The following CACNA1B variants were observed in gnomAD, a reference collection of about 807,000 sequenced individuals.
CACNA1B encodes the protein calcium voltage-gated channel subunit alpha1 B.
In CACNA1B, 70 loss-of-function variants were observed where a neutral mutation model predicts 247.2. The ratio of observed to expected loss-of-function variants is 0.28; its 90% CI spans 0.23 to 0.35. CACNA1B has a LOEUF of 0.35. Ranked by LOEUF, CACNA1B falls within the 10% of genes least tolerant of loss-of-function variation. The pLI is 1.00. For synonymous variants in CACNA1B, 1,231 were observed against 1,294.4 expected (o/e 0.95, Z 1.05); for missense variants, 2,367 against 3,197.4 (o/e 0.74, Z 6.26).
chr9:138,058,994 C>A lies in CACNA1B; in HGVS notation c.4474-85C>A. ...CTAGGCAGGCATCGAGTTCTGTCTG[C>A]CCGCTTTGCTTGGTCATAGTGGTCC... is the stretch of plus-strand genomic sequence containing the variant. On this transcript the variant is annotated intron_variant, in intron 29 of 46. Transcript: ENST00000371372. The surrounding 1 kb of genome is among the most constrained non-coding windows in gnomAD (Gnocchi z 4.7). 2 of 833,866 alleles carry A rather than the reference C, an allele frequency of 2.4e-6. No individual in the cohort carries two copies. Among genetic ancestry groups the A allele is most frequent in the Non-Finnish European group, 4.0e-6 (2 of 495,494 alleles). The allele number at this position is 833,866 out of a possible 1,614,324, so 51.7% of individuals were successfully genotyped here.
chr9:138,108,935 A>G (rs1202716846), intron 39 of CACNA1B, among the ~76,000 whole-genome samples: 1 of 152,262 alleles, frequency 6.6e-6, no homozygotes, highest in Non-Finnish European at 1.5e-5. Flanking sequence ...TACAGGCGTG[A>G]GCCACTGCAC....
In CACNA1B at chr9:137,955,552, C is replaced by G. The variant is rs1042372659; in HGVS notation, c.1071-146C>G. On this transcript the variant is annotated intron_variant, in intron 7 of 46. Transcript: ENST00000371372. The surrounding 1 kb of genome is among the most constrained non-coding windows in gnomAD (Gnocchi z 6.9). ...TCTGGAGTGCTCAGGTTAGAAGAGG[C>G]CTGGGTGGCAGGGGCCTGCCTGAAG... The G allele has an allele frequency of 6.4e-6, 4 of 621,790 alleles. No homozygotes were observed. The highest frequency in any genetic ancestry group is 1.2e-5 in the Non-Finnish European group (4 of 345,038). The allele number at this position is 621,790 out of a possible 1,614,324, so 38.5% of individuals were successfully genotyped here.
chr9:137,946,247 G>C (rs1363382146), intron 6 of CACNA1B, among the ~76,000 whole-genome samples: 2 of 152,144 alleles, frequency 1.3e-5, no homozygotes, highest in Non-Finnish European at 2.9e-5. Context: ...GGCTAAGTGG[G>C]TTTCTTTTGT....
intron 10 of CACNA1B, among the ~76,000 whole-genome samples, chr9:137,966,601 C>T (rs1364049018): frequency 4.0e-5 from 6 of 151,330 alleles, no homozygotes; most frequent in East Asian, 1.9e-4. Context: ...TGCAGTGGTG[C>T]GATCTCAGCT....
chr9:137,964,610 T>C (rs1235845929), intron 10 of CACNA1B, among the ~76,000 whole-genome samples: 1 of 152,242 alleles, frequency 6.6e-6, no homozygotes, highest in Admixed American at 6.5e-5. Context: ...ATCATGATTG[T>C]TAGCTTCTTT....
In CACNA1B at chr9:138,054,112, C is replaced by A; in HGVS notation, c.3968+106C>A. The A allele has an allele frequency of 9.4e-7, 1 of 1,067,906 alleles. No individual in the cohort carries two copies. Among genetic ancestry groups the A allele is most frequent in the Non-Finnish European group, 1.4e-6 (1 of 704,266 alleles). The allele number at this position is 1,067,906 out of a possible 1,614,324, so 66.2% of individuals were successfully genotyped here. On this transcript the variant is annotated intron_variant, in intron 26 of 46. Transcript: ENST00000371372. This position sits in a 1 kb window ranked among gnomAD's most constrained non-coding sequence, Gnocchi z 4.6. ...AGCTGGTCACACGGCGTGGGAGACTCCACTGCAGAGCATCACGGACCCTGC... is the reference window on the plus strand; with the variant it reads ...AGCTGGTCACACGGCGTGGGAGACTACACTGCAGAGCATCACGGACCCTGC...
In CACNA1B at chr9:138,096,598, G is replaced by A; in HGVS notation, c.5209G>A (p.Asp1737Asn). 5 of 1,612,134 alleles carry A rather than the reference G, an allele frequency of 3.1e-6. No individual in the cohort carries two copies. The highest frequency in any genetic ancestry group is 4.2e-6 in the Non-Finnish European group (5 of 1,179,104). The part of the protein sequence containing the change: ...DEFIRVWAEY[D>N]PAACGRISYN... Reference sequence around the variant, plus strand: ...GTTCATCCGGGTCTGGGCTGAATACGACCCGGCTGCGTGGTAAGTGAGCCG... The same window carrying A: ...GTTCATCCGGGTCTGGGCTGAATACAACCCGGCTGCGTGGTAAGTGAGCCG... The change falls in exon 37 of 47, where the codon GAC becomes AAC. Residue 1737 changes from aspartate (D) to asparagine (N), a missense_variant. This residue lies in a region of CACNA1B where 55 missense variants were observed against 107.8 expected (regional missense o/e 0.51). Coordinates refer to ENST00000371372, the MANE Select transcript of CACNA1B (RefSeq NM_000718.4).
chr9:137,992,241 A>G (rs965869060), intron 15 of CACNA1B, among the ~76,000 whole-genome samples: 1 of 152,220 alleles, frequency 6.6e-6, no homozygotes, highest in African/African-American at 2.4e-5. Context: ...AGGGGTGGAA[A>G]AATATTTCAT....
In CACNA1B at chr9:138,047,477, C is replaced by T. The variant is rs1390974911; in HGVS notation, c.3603+19C>T. 1.3e-6 allele frequency: 2 copies of T among 1,582,606 alleles called. No individual in the cohort carries two copies. The highest frequency in any genetic ancestry group is 1.1e-5 in the South Asian group (1 of 90,442). ...GATAAAGGTGAGATATGTGGCTGCC[C>T]TTGTGACCCCAGTGTTTTGCTCTCC... On this transcript the variant is annotated intron_variant, in intron 23 of 46. Transcript: ENST00000371372.
Position 137,971,981 on chromosome 9 carries a change from C to G in CACNA1B, c.1543+389C>G, listed in dbSNP as rs1958156796. Among the ~76,000 whole-genome samples, 1 of 152,172 alleles carries G rather than the reference C, an allele frequency of 6.6e-6. No individual in the cohort carries two copies. Among genetic ancestry groups the G allele is most frequent in the Non-Finnish European group, 1.5e-5 (1 of 68,018 alleles). On this transcript the variant is annotated intron_variant, in intron 11 of 46. Transcript: ENST00000371372. This position sits in a 1 kb window ranked among gnomAD's most constrained non-coding sequence, Gnocchi z 4.4. The stretch of plus-strand genomic sequence containing the variant: ...AGACCCACAGACAGGGGACTTAGCC[C>G]CACGCTCCTTTCCACCACGTGGCTG...
intron 38 of CACNA1B, among the ~76,000 whole-genome samples, chr9:138,105,105 G>C (rs1961377056): frequency 6.6e-6 from 1 of 152,244 alleles, no homozygotes; most frequent in African/African-American, 2.4e-5. Context: ...GCGCAGAGAT[G>C]GGCTCTGCCT....
chr9:137,958,220 G>A (rs569556561), intron 10 of CACNA1B, among the ~76,000 whole-genome samples: 1 of 152,140 alleles, frequency 6.6e-6, no homozygotes, highest in African/African-American at 2.4e-5. Flanking sequence ...AATAAAACAG[G>A]AAACACACAC....
At chr9:138,000,223 C>T (rs951708843) in intron 15 of CACNA1B, among the ~76,000 whole-genome samples, 13 of 151,750 alleles carry the variant, frequency 8.6e-5, no homozygotes, top group East Asian at 5.8e-4. Context: ...CTCAGCCTCC[C>T]GAGTGGCTGG....
intron 41 of CACNA1B, 29 bp from the exon 42 acceptor site, chr9:138,115,523 T>G (rs1451023615): frequency 2.5e-6 from 4 of 1,605,872 alleles, no homozygotes; most frequent in Non-Finnish European, 3.4e-6. Flanking sequence ...CCATTGGAGC[T>G]CTTTCCCTTC....
intron 6 of CACNA1B, among the ~76,000 whole-genome samples, chr9:137,918,627 G>T (rs1014420064): frequency 2.0e-5 from 3 of 152,176 alleles, no homozygotes; most frequent in Non-Finnish European, 4.4e-5. Flanking sequence ...GCCTCCAGCA[G>T]CTGTGCTCAT....
At chr9:137,969,544 G>A (rs142670135) in intron 10 of CACNA1B, among the ~76,000 whole-genome samples, 2 of 152,294 alleles carry the variant, frequency 1.3e-5, no homozygotes, top group East Asian at 1.9e-4. Flanking sequence ...TTTGTTGCTT[G>A]TCTTCCTGGC....
In CACNA1B at chr9:137,919,186, G is replaced by C. The variant is rs976950825; in HGVS notation, c.966+1755G>C. Among the ~76,000 whole-genome samples the C allele has an allele frequency of 6.6e-6, 1 of 152,238 alleles. No individual in the cohort carries two copies. The highest frequency in any genetic ancestry group is 1.5e-5 in the Non-Finnish European group (1 of 68,036). ...GGGCAGGCAGCACTGGCCAGGAGGG[G>C]CCACAGAGGTTTCAGCCAGCATGTG... On this transcript the variant is annotated intron_variant, in intron 6 of 46. Coordinates refer to ENST00000371372, the MANE Select transcript of CACNA1B (RefSeq NM_000718.4). This position sits in a 1 kb window ranked among gnomAD's most constrained non-coding sequence, Gnocchi z 4.6.
chr9:138,072,490 G>T lies in CACNA1B; in HGVS notation c.4675-998G>T, dbSNP rs1355534499. On this transcript the variant is annotated intron_variant, in intron 32 of 46. Transcript: ENST00000371372. The surrounding 1 kb of genome is among the most constrained non-coding windows in gnomAD (Gnocchi z 4.5). ...GACATCTGTGTTCTCTTTATTTGAT[G>T]ACTGAATCTGACAACACGAACGTGT... 6.6e-6 allele frequency among the ~76,000 whole-genome samples: 1 copy of T among 152,258 alleles called. No homozygotes were observed. The highest frequency in any genetic ancestry group is 1.5e-5 in the Non-Finnish European group (1 of 68,058).
intron 18 of CACNA1B, among the ~76,000 whole-genome samples, chr9:138,017,514 G>A (rs1221068835): frequency 6.6e-6 from 1 of 152,230 alleles, no homozygotes; most frequent in East Asian, 1.9e-4. Context: ...AGTGGACTGG[G>A]CGTCATGGGT....
Sources: allele counts gnomAD v4.1 joint callset (sites outside exome capture counted in the v4.1 genomes callset), GRCh38; gene constraint gnomAD v4.1.1; regional missense constraint gnomAD v4.1.1; non-coding constraint Gnocchi (gnomAD v3.1); transcripts MANE v1.5; gene names NCBI Gene and HGNC (gene_info 2026-07-23, HGNC 2026-07-21).